Variants in TM9SF3 observed in about 807,000 individuals in gnomAD.
TM9SF3 encodes SM-11044-binding protein.
Under a neutral mutation model 78.6 loss-of-function variants are expected in TM9SF3, and 14 were observed. That is an observed-to-expected ratio of 0.18 (90% CI 0.12 to 0.28). The LOEUF is 0.28. TM9SF3 is among the 10% of genes least tolerant of loss of function. The probability of loss-of-function intolerance (pLI) is 1.00; values close to 1 mark genes in which losing one functional copy is unlikely to be tolerated. For missense variants in TM9SF3, 496 were observed against 721.9 expected (o/e 0.69, Z 3.59); for synonymous variants, 231 against 241.7 (o/e 0.96, Z 0.41).
intron 9 of TM9SF3, among the ~76,000 whole-genome samples, chr10:96,536,696 C>T (rs1257960405): frequency 6.6e-6 from 1 of 152,158 alleles, no homozygotes; most frequent in Non-Finnish European, 1.5e-5. Context: ...CTTCTTCTTC[C>T]TCAGCCTACT....
chr10:96,537,734 A>C (rs1369211033), intron 9 of TM9SF3, among the ~76,000 whole-genome samples: 1 of 152,218 alleles, frequency 6.6e-6, no homozygotes, highest in Non-Finnish European at 1.5e-5. Context: ...GGGGAGGCTG[A>C]GGTAGGAGAA....
intron 1 of TM9SF3, 118 bp downstream of exon 1, chr10:96,586,616 T>A (rs1398867166): frequency 2.4e-6 from 2 of 844,090 alleles, no homozygotes; most frequent in Admixed American, 4.6e-5. Flanking sequence ...CCGGAAGGAG[T>A]CCTCGGGCCG....
In TM9SF3 at chr10:96,558,144, C is replaced by A. The variant is rs1848257235; in HGVS notation, c.660+1515G>T. 4.6e-5 allele frequency among the ~76,000 whole-genome samples: 7 copies of A among 152,282 alleles called. No individual in the cohort carries two copies. In the South Asian group the frequency reaches 1.4e-3, roughly 32 times the overall value. ...CCAGTGGGGCTAGAATCAAGGCAGA[C>A]CTAAGAGTTCCAGTAGTGAGTGCCA... is the stretch of plus-strand genomic sequence containing the variant. On this transcript the variant is annotated intron_variant, in intron 5 of 14. Transcript: ENST00000371142.
chr10:96,550,445 T>G (rs138227034), intron 7 of TM9SF3, among the ~76,000 whole-genome samples: 1 of 152,098 alleles, frequency 6.6e-6, no homozygotes, highest in East Asian at 1.9e-4. Context: ...GAGTGCATTA[T>G]GAACTAAAAC....
rs939536529 is a variant in TM9SF3, at chr10:96,561,965, T to C, written c.582+13A>G. ...AAACACTACTTCCTACATTAAACTA[T>C]TTGAATACTTACTGAATATGACATC... On this transcript the variant is annotated intron_variant, in intron 4 of 14. Coordinates refer to ENST00000371142, the MANE Select transcript of TM9SF3 (RefSeq NM_020123.4). 1.2e-6 allele frequency: 2 copies of C among 1,603,632 alleles called. No individual in the cohort carries two copies. The highest frequency in any genetic ancestry group is 2.7e-5 in the African/African-American group (2 of 74,218).
At chr10:96,573,717 C>G (rs1357121500) in intron 2 of TM9SF3, among the ~76,000 whole-genome samples, 1 of 152,056 alleles carries the variant, frequency 6.6e-6, no homozygotes, top group Non-Finnish European at 1.5e-5. Context: ...GTACTGGTAC[C>G]AAAACAGATA....
At chr10:96,524,273 A>C (rs1847814401) in intron 14 of TM9SF3, among the ~76,000 whole-genome samples, 1 of 151,928 alleles carries the variant, frequency 6.6e-6, no homozygotes, top group Non-Finnish European at 1.5e-5. Context: ...AAATAACAAT[A>C]TTACATTTTA....
At chr10:96,524,440 G>C (rs571544927) in intron 14 of TM9SF3, among the ~76,000 whole-genome samples, 1 of 151,714 alleles carries the variant, frequency 6.6e-6, no homozygotes, top group Non-Finnish European at 1.5e-5. Context: ...TATAATACTA[G>C]TCCAATAACC....
rs549831417 is a variant in TM9SF3 at position 96,520,013 on chromosome 10, T to C, written c.*2250A>G. 8.5e-5 allele frequency: 13 copies of C among 152,070 alleles called. No individual in the cohort carries two copies. The East Asian group carries it at 2.5e-3, about 29-fold the overall frequency. 9.4% of individuals were successfully genotyped at this position (152,070 alleles called of 1,614,324 possible). Reference sequence around the variant, plus strand: ...AAGCATTTAACCCACACATTTTCAATAAACCCTACATCTTACCTGCAAGAT... The same window carrying C: ...AAGCATTTAACCCACACATTTTCAACAAACCCTACATCTTACCTGCAAGAT... On this transcript the variant is annotated 3_prime_UTR_variant, in exon 15 of 15. Coordinates refer to ENST00000371142, the MANE Select transcript of TM9SF3 (RefSeq NM_020123.4).
chr10:96,535,234 G>C (rs1589448449), intron 9 of TM9SF3, among the ~76,000 whole-genome samples: 1 of 152,120 alleles, frequency 6.6e-6, no homozygotes, highest in African/African-American at 2.4e-5. Flanking sequence ...GTTAGAAATA[G>C]TGATTAAGCT....
At chr10:96,541,797 C>G (rs1012857157) in intron 9 of TM9SF3, among the ~76,000 whole-genome samples, 1 of 152,198 alleles carries the variant, frequency 6.6e-6, no homozygotes, top group Non-Finnish European at 1.5e-5. Flanking sequence ...TGGGGAAGAG[C>G]ACTTAGGAGG....
At position 96,527,621 on chromosome 10, in the gene TM9SF3, A is replaced by G. The variant is rs3789956; in HGVS notation, c.1542-125T>C. ...CCTTTAAAACTTATTTAAAAAACAA[A>G]TGCATAGACATGGTATTCAAATTTA... On this transcript the variant is annotated intron_variant, in intron 12 of 14. Transcript: ENST00000371142. 1.9e-4 allele frequency: 125 copies of G among 667,322 alleles called. No individual in the cohort carries two copies. The East Asian group carries it at 3.5e-3, about 19-fold the overall frequency. 41.3% of individuals were successfully genotyped at this position (667,322 alleles called of 1,614,324 possible).
At chr10:96,525,941 C>T (rs1318628352) in intron 14 of TM9SF3, among the ~76,000 whole-genome samples, 1 of 151,930 alleles carries the variant, frequency 6.6e-6, no homozygotes. Context: ...GGTGTAGAAT[C>T]CCACAGAGAC....
chr10:96,538,307 G>C (rs1162543147), intron 9 of TM9SF3, among the ~76,000 whole-genome samples: 2 of 152,062 alleles, frequency 1.3e-5, no homozygotes, highest in African/African-American at 2.4e-5. Context: ...AATGGTGCTG[G>C]AACAACTGAA....
At chr10:96,583,013 G>A (rs1004239575) in intron 1 of TM9SF3, among the ~76,000 whole-genome samples, 1 of 149,616 alleles carries the variant, frequency 6.7e-6, no homozygotes, top group Non-Finnish European at 1.5e-5. Context: ...CCGGGAGGCG[G>A]AAGTTGCAGT....
chr10:96,558,407 T>C (rs1848260324), intron 5 of TM9SF3, among the ~76,000 whole-genome samples: 1 of 151,950 alleles, frequency 6.6e-6, no homozygotes. Context: ...TTTGGGAGGC[T>C]AAGGGCAGGT....
intron 2 of TM9SF3, among the ~76,000 whole-genome samples, chr10:96,568,142 T>C (rs1848399713): frequency 6.6e-6 from 1 of 152,196 alleles, no homozygotes; most frequent in Non-Finnish European, 1.5e-5. Context: ...GGTAGACAAA[T>C]ACAAACATCA....
chr10:96,559,717 T>G lies in TM9SF3; in HGVS notation c.602A>C (p.Asp201Ala). ...MSYSVKWKKS[D>A]VKFEDRFDKY... ...GTCAAATCGATCTTCAAATTTCACA[T>G]CTGACTTTTTCCATTTTACCTAAAA... is the stretch of plus-strand genomic sequence containing the variant. The change falls in exon 5 of 15, where the codon GAT (aspartate) becomes GCT (alanine). Residue 201 changes from aspartate to alanine, a missense_variant. Around this residue, in one of 4 missense-constraint regions of TM9SF3, gnomAD observed 155 missense variants for 241.6 expected, o/e 0.64. Coordinates refer to ENST00000371142, the MANE Select transcript of TM9SF3 (RefSeq NM_020123.4). The G allele has an allele frequency of 6.3e-7, 1 of 1,583,466 alleles. No individual in the cohort carries two copies. The highest frequency in any genetic ancestry group is 1.3e-5 in the African/African-American group (1 of 74,598).
intron 8 of TM9SF3, 82 bp from the exon 9 acceptor site, chr10:96,544,288 T>C (rs1848072220): frequency 3.2e-6 from 4 of 1,242,756 alleles, no homozygotes; most frequent in Admixed American, 3.0e-5. Context: ...ATAAAGATCA[T>C]GAAATTTAAC....
Sources: gnomAD v4.1 joint callset for allele counts (sites outside exome capture counted in the v4.1 genomes callset) on GRCh38, gnomAD v4.1.1 for gene constraint, gnomAD v4.1.1 regional missense constraint, MANE v1.5 for transcripts, NCBI Gene and HGNC (gene_info 2026-07-23, HGNC 2026-07-21) for gene names.